The following EFEMP1 variants were observed in gnomAD, a reference collection of about 807,000 sequenced individuals.
EFEMP1 encodes EGF-like fibulin extracellular matrix protein 1, also known as EGF-containing fibulin-like extracellular matrix protein 1.
EFEMP1 carries 18 observed loss-of-function variants against 65.7 expected under a neutral mutation model. That is an observed-to-expected ratio of 0.27 (90% CI 0.19 to 0.41). The LOEUF (loss-of-function observed/expected upper bound fraction) is 0.41, where lower values mean the gene tolerates loss of function less well. EFEMP1 is among the 10% of genes least tolerant of loss of function. The probability of loss-of-function intolerance (pLI) is 1.00; values close to 1 mark genes in which losing one functional copy is unlikely to be tolerated. For missense variants in EFEMP1, 469 were observed against 624.8 expected, an observed-to-expected ratio of 0.75 and a Z score of 2.66; for synonymous variants, 237 against 219.7, an observed-to-expected ratio of 1.08 and a Z score of -0.70.
chr2:55,890,319 T>G (rs554071227), intron 5 of EFEMP1, among the ~76,000 whole-genome samples: 6 of 152,064 alleles, frequency 3.9e-5, no homozygotes, highest in African/African-American at 1.2e-4. Flanking sequence ...ATAGGCTCAG[T>G]ATAGACAAAT....
intron 6 of EFEMP1, among the ~76,000 whole-genome samples, chr2:55,881,379 A>G (rs1669233137): frequency 6.6e-6 from 1 of 152,134 alleles, no homozygotes; most frequent in African/African-American, 2.4e-5. Flanking sequence ...TCATACCCCA[A>G]ATTTCTGCTC....
chr2:55,883,477 A>G lies in EFEMP1; in HGVS notation c.518-1743T>C, dbSNP rs1482769368. 6.6e-6 allele frequency among the ~76,000 whole-genome samples: 1 copy of G among 152,100 alleles called. No homozygotes were observed. Among genetic ancestry groups the G allele is most frequent in the South Asian group, 2.1e-4 (1 of 4,812 alleles). On this transcript the variant is annotated intron_variant, in intron 5 of 11. Transcript: ENST00000355426. This position sits in a 1 kb window ranked among gnomAD's most constrained non-coding sequence, Gnocchi z 4.5. ...ATGCAGAAATGACAGCAGAGTATCT[A>G]TTGTTTTATGTCAAGAACATTTGCC...
chr2:55,916,330 G>A (rs1187614999), intron 5 of EFEMP1, among the ~76,000 whole-genome samples: 1 of 152,088 alleles, frequency 6.6e-6, no homozygotes, highest in Non-Finnish European at 1.5e-5. Context: ...GGCTGGTCTT[G>A]AACTCCCGAC....
At position 55,918,058 on chromosome 2, in the gene EFEMP1, T is replaced by C; in HGVS notation, c.131-7A>G. ...ATGTCACATTCATCAATATCTGTGGTCAGTAATAAAATAAGTCAGGAATCT... is the reference window on the plus strand; with the variant it reads ...ATGTCACATTCATCAATATCTGTGGCCAGTAATAAAATAAGTCAGGAATCT... On this transcript the variant is annotated splice_polypyrimidine_tract_variant and splice_region_variant and intron_variant, in intron 4 of 11. Transcript: ENST00000355426. 2 of 1,614,158 alleles carry C rather than the reference T, an allele frequency of 1.2e-6. No individual in the cohort carries two copies. The highest frequency in any genetic ancestry group is 2.7e-5 in the African/African-American group (2 of 75,038).
At chr2:55,891,665 G>GT (rs1669633648) in intron 5 of EFEMP1, among the ~76,000 whole-genome samples, 1 of 152,022 alleles carries the variant, frequency 6.6e-6, no homozygotes, top group Admixed American at 6.5e-5. Flanking sequence ...AGGTTTCATT[G>GT]TAAGTGGTTA....
At chr2:55,911,049 TAG>T (rs1296690246) in intron 5 of EFEMP1, among the ~76,000 whole-genome samples, 2 of 152,196 alleles carry the variant, frequency 1.3e-5, no homozygotes. Flanking sequence ...GAATAAAAAT[TAG>T]AGTCTCACCT....
At chr2:55,884,790 G>A (rs933872214) in intron 5 of EFEMP1, among the ~76,000 whole-genome samples, 1 of 152,164 alleles carries the variant, frequency 6.6e-6, no homozygotes, top group African/African-American at 2.4e-5. Context: ...TTTTCAGGCA[G>A]TCAGTTAATA....
intron 5 of EFEMP1, among the ~76,000 whole-genome samples, chr2:55,898,854 G>A (rs948950113): frequency 2.0e-5 from 3 of 152,068 alleles, no homozygotes; most frequent in African/African-American, 7.2e-5. Context: ...CTGGGGTGGG[G>A]AACAGTGGTG....
chr2:55,895,768 C>G (rs1669807621), intron 5 of EFEMP1, among the ~76,000 whole-genome samples: 1 of 151,602 alleles, frequency 6.6e-6, no homozygotes, highest in Non-Finnish European at 1.5e-5. Context: ...GTCTCTATCT[C>G]CTGACCTCGT....
In EFEMP1 at chr2:55,877,283, T is replaced by C. The variant is rs977046909; in HGVS notation, c.760+463A>G. ...CAATGCTCTAAAGCACTGAAAATATTGTGAAAAGGCATTTTTCCTACACTA... is the reference window on the plus strand; with the variant it reads ...CAATGCTCTAAAGCACTGAAAATATCGTGAAAAGGCATTTTTCCTACACTA... On this transcript the variant is annotated intron_variant, in intron 7 of 11. Coordinates refer to ENST00000355426, the MANE Select transcript of EFEMP1 (RefSeq NM_001039348.3). The surrounding 1 kb of genome is among the most constrained non-coding windows in gnomAD (Gnocchi z 4.5). Among the ~76,000 whole-genome samples the C allele has an allele frequency of 7.9e-5, 12 of 152,182 alleles. No individual in the cohort carries two copies. The highest frequency in any genetic ancestry group is 7.9e-4 in the Admixed American group (12 of 15,264).
chr2:55,891,112 A>G (rs554006055), intron 5 of EFEMP1, among the ~76,000 whole-genome samples: 2 of 152,066 alleles, frequency 1.3e-5, no homozygotes, highest in Non-Finnish European at 2.9e-5. Flanking sequence ...GAAGAGGAAA[A>G]GATCTTGACC....
rs1438343098 is a variant in EFEMP1 at position 55,923,308 on chromosome 2, A to T, written c.-48-369T>A. ...GCGGGCGGCCTGGCCCGGCAGGGAGATGAGGTCCCCTTTCTTAACAGCAAG... is the reference window on the plus strand; with the variant it reads ...GCGGGCGGCCTGGCCCGGCAGGGAGTTGAGGTCCCCTTTCTTAACAGCAAG... On this transcript the variant is annotated intron_variant, in intron 1 of 11. Coordinates refer to ENST00000355426, the MANE Select transcript of EFEMP1 (RefSeq NM_001039348.3). The surrounding 1 kb of genome is among the most constrained non-coding windows in gnomAD (Gnocchi z 5.3). Among the ~76,000 whole-genome samples, 2 of 152,086 alleles carry T rather than the reference A, an allele frequency of 1.3e-5. No homozygotes were observed. Among genetic ancestry groups the T allele is most frequent in the East Asian group, 3.9e-4 (2 of 5,160 alleles).
chr2:55,920,052 C>T (rs1670860354), intron 3 of EFEMP1, among the ~76,000 whole-genome samples: 1 of 152,232 alleles, frequency 6.6e-6, no homozygotes, highest in Admixed American at 6.5e-5. Context: ...GCAGATCTCT[C>T]ATCATCACCA....
chr2:55,923,074 T>C lies in EFEMP1; in HGVS notation c.-48-135A>G. On this transcript the variant is annotated intron_variant, in intron 1 of 11. Transcript: ENST00000355426. The surrounding 1 kb of genome is among the most constrained non-coding windows in gnomAD (Gnocchi z 5.3). ...CTCACATGTCTCAGAGCTTCTCACA[T>C]CCCCCAGCACAAACTCTCAAAGTGG... is the stretch of plus-strand genomic sequence containing the variant. 1 of 520,750 alleles carries C rather than the reference T, an allele frequency of 1.9e-6. No homozygotes were observed. Among genetic ancestry groups the C allele is most frequent in the Non-Finnish European group, 2.5e-6 (1 of 403,694 alleles). 32.3% of individuals were successfully genotyped at this position (520,750 alleles called of 1,614,324 possible).
intron 9 of EFEMP1, among the ~76,000 whole-genome samples, chr2:55,872,644 A>G (rs1448908865): frequency 6.6e-6 from 1 of 152,110 alleles, no homozygotes; most frequent in Non-Finnish European, 1.5e-5. Flanking sequence ...GAGGAAAAAA[A>G]AGTATTTTAG....
In EFEMP1 at chr2:55,870,024, G is replaced by A. The variant is rs1234358285; in HGVS notation, c.1320+696C>T. On this transcript the variant is annotated intron_variant, in intron 11 of 11. Transcript: ENST00000355426. This position sits in a 1 kb window ranked among gnomAD's most constrained non-coding sequence, Gnocchi z 5.8. ...ATGTGAGGAAGCAAAGATAACCCAGGAGACAGTGTGAAGAGGGAAATGGCA... is the reference window on the plus strand; with the variant it reads ...ATGTGAGGAAGCAAAGATAACCCAGAAGACAGTGTGAAGAGGGAAATGGCA... 6.6e-6 allele frequency among the ~76,000 whole-genome samples: 1 copy of A among 152,018 alleles called. No homozygotes were observed. The highest frequency in any genetic ancestry group is 2.4e-5 in the African/African-American group (1 of 41,416).
chr2:55,872,609 CTAAA>C (rs1668855056), intron 9 of EFEMP1, among the ~76,000 whole-genome samples: 1 of 152,026 alleles, frequency 6.6e-6, no homozygotes, highest in South Asian at 2.1e-4. Context: ...TTCATATACT[CTAAA>C]TAATTCATGC....
rs1373039673 is a variant in EFEMP1, at chr2:55,886,215, CTT to C, written c.518-4483_518-4482del. On this transcript the variant is annotated intron_variant, in intron 5 of 11. Coordinates refer to ENST00000355426, the MANE Select transcript of EFEMP1 (RefSeq NM_001039348.3). This position sits in a 1 kb window ranked among gnomAD's most constrained non-coding sequence, Gnocchi z 4.0. ...TAGGGTCATGGTATCAATTTTTTCT[CTT>C]TGTTTCTCCATCTCTGAAATAGAGA... is the stretch of plus-strand genomic sequence containing the variant. Among the ~76,000 whole-genome samples, 1 of 152,132 alleles carries C rather than the reference CTT, an allele frequency of 6.6e-6. No homozygotes were observed. The highest frequency in any genetic ancestry group is 2.1e-4 in the South Asian group (1 of 4,820).
intron 5 of EFEMP1, among the ~76,000 whole-genome samples, chr2:55,889,337 T>C (rs145939943): frequency 6.0e-4 from 92 of 152,356 alleles, no homozygotes; most frequent in Admixed American, 2.0e-3. Flanking sequence ...AACTTGGCAA[T>C]ACTTCTCCAA....
Sources: allele counts gnomAD v4.1 joint callset (sites outside exome capture counted in the v4.1 genomes callset), GRCh38; gene constraint gnomAD v4.1.1; non-coding constraint Gnocchi (gnomAD v3.1); transcripts MANE v1.5; gene names NCBI Gene and HGNC (gene_info 2026-07-23, HGNC 2026-07-21).